Variants in PPP4R1 observed in about 807,000 individuals in gnomAD.
PPP4R1 encodes protein phosphatase 4 regulatory subunit 1.
A neutral mutation model predicts 111.2 loss-of-function variants in PPP4R1; 42 were observed. That is an observed-to-expected ratio of 0.38 (90% confidence interval 0.29 to 0.49). PPP4R1 has a LOEUF of 0.49. PPP4R1 is among the 20% of genes least tolerant of loss of function. The pLI, the probability that PPP4R1 is intolerant of heterozygous loss-of-function variation, is 0.97. For missense variants in PPP4R1, 1,012 were observed against 1,161.6 expected (o/e 0.87, Z 1.87); for synonymous variants, 409 against 405.5 (o/e 1.01, Z -0.10).
At chr18:9,589,791 C>T in intron 4 of PPP4R1, 1 of 152,208 alleles carries the variant, frequency 6.6e-6, no homozygotes, top group Non-Finnish European at 1.5e-5. Flanking sequence ...CCAGCTACTC[C>T]AGAGGCTGAG....
chr18:9,548,022 G>A (rs898099278), intron 19 of PPP4R1, 70 bp from the exon 20 acceptor site: 26 of 1,482,062 alleles, frequency 1.8e-5, no homozygotes, highest in Non-Finnish European at 2.2e-5. Flanking sequence ...CGTCAAGTAC[G>A]AGTGTAAACA....
At chr18:9,580,474 T>C (rs7239271) in intron 9 of PPP4R1, among the ~76,000 whole-genome samples, 28,016 of 151,716 alleles carry the variant, frequency 0.18, 2,930 homozygotes, top group East Asian at 0.49. Flanking sequence ...CTCAGCCTCC[T>C]GAGTAGCTGG....
intron 6 of PPP4R1, chr18:9,587,507 A>C (rs1418107594): frequency 1.3e-5 from 2 of 150,952 alleles, no homozygotes. Flanking sequence ...GGTTCAAATG[A>C]TTCTCGTGCC....
At position 9,570,657 on chromosome 18, in the gene PPP4R1, T is replaced by A. The variant is rs1479574882; in HGVS notation, c.1073A>T (p.Asp358Val). The change falls in exon 11 of 20, where the codon GAT (aspartate) becomes GTT (valine). Residue 358 changes from aspartate (D) to valine (V), a missense_variant. Transcript: ENST00000400556. Reference protein sequence around the residue: ...NRTRDQEAPEDVQVRPEDTPS... With the variant: ...NRTRDQEAPEVVQVRPEDTPS... The stretch of plus-strand genomic sequence containing the variant: ...AGTATCCTCTGGCCTGACTTGTACA[T>A]CCTCTGGGGCTTCTTGATCTCTGGT... 6.3e-7 allele frequency: 1 copy of A among 1,581,676 alleles called. No individual in the cohort carries two copies. Among genetic ancestry groups the A allele is most frequent in the Non-Finnish European group, 8.6e-7 (1 of 1,163,650 alleles).
chr18:9,614,662 C>G, upstream of PPP4R1: 2 of 149,460 alleles, frequency 1.3e-5, no homozygotes, highest in African/African-American at 2.5e-5. This position sits in a 1 kb window ranked among gnomAD's most constrained non-coding sequence, Gnocchi z 4.1. Context: ...CGGCGCGGCT[C>G]CCGGCCGCCC....
intron 13 of PPP4R1, among the ~76,000 whole-genome samples, chr18:9,561,164 A>T (rs2066668175): frequency 6.6e-6 from 1 of 150,886 alleles, no homozygotes; most frequent in Non-Finnish European, 1.5e-5. Flanking sequence ...GGCTGCAGTA[A>T]GCTGAGATGG....
At chr18:9,587,965 C>T in intron 6 of PPP4R1, 124 bp downstream of exon 6, 5 of 1,231,824 alleles carry the variant, frequency 4.1e-6, no homozygotes, top group Non-Finnish European at 5.6e-6. Flanking sequence ...GATCCACCCA[C>T]CTCGGCCTCC....
chr18:9,593,775 A>G lies in PPP4R1; in HGVS notation c.288T>C (p.Asp96=), dbSNP rs1486114252. 1 of 1,613,030 alleles carries G rather than the reference A, an allele frequency of 6.2e-7. No homozygotes were observed. The highest frequency in any genetic ancestry group is 2.2e-5 in the East Asian group (1 of 44,874). Residue 96 remains aspartate (D), a synonymous_variant, in exon 4 of 20, where the codon GAT becomes GAC. Transcript: ENST00000400556. ...CACTTTCTCCACATATACCTGAATC[A>G]TCGGCCAATCTGCTAATTCTTTCCA... The part of the protein sequence containing the change: ...AVLERISRLA[D]DSEPTVRAEL...
intron 11 of PPP4R1, among the ~76,000 whole-genome samples, chr18:9,568,811 G>A (rs2066812384): frequency 6.6e-6 from 1 of 152,160 alleles, no homozygotes; most frequent in Non-Finnish European, 1.5e-5. Flanking sequence ...CAAGGCAGGC[G>A]GATCACCTGA....
At chr18:9,584,436 G>GA in intron 8 of PPP4R1, 79 bp downstream of exon 8, 5 of 1,245,560 alleles carry the variant, frequency 4.0e-6, no homozygotes, top group South Asian at 3.6e-5. Context: ...TAAAACTTTG[G>GA]AGTAAATGTG....
chr18:9,568,720 G>T (rs539380039), intron 11 of PPP4R1, among the ~76,000 whole-genome samples: 205 of 152,264 alleles, frequency 1.3e-3, no homozygotes, highest in African/African-American at 4.8e-3. Flanking sequence ...GTAATCTTTT[G>T]TTCATAAAAA....
chr18:9,549,894 G>T, intron 18 of PPP4R1, 158 bp downstream of exon 18: 2 of 1,112,378 alleles, frequency 1.8e-6, no homozygotes, highest in Non-Finnish European at 2.5e-6. Context: ...GCCACCAGAT[G>T]CCCAACAATG....
In PPP4R1 at chr18:9,549,155, C is replaced by T. The variant is rs751373480; in HGVS notation, c.2689+42G>A. The stretch of plus-strand genomic sequence containing the variant: ...TGATCCAGTGCAGTCCACAGACCTC[C>T]TTCTCTACTCACACGCTTCTTCTAG... On this transcript the variant is annotated intron_variant, in intron 19 of 19. Transcript: ENST00000400556. 3.8e-6 allele frequency: 6 copies of T among 1,593,922 alleles called. No individual in the cohort carries two copies. In the East Asian group the frequency reaches 1.4e-4, roughly 36 times the overall value.
chr18:9,604,124 T>C (rs2067439037), intron 2 of PPP4R1, among the ~76,000 whole-genome samples: 2 of 152,220 alleles, frequency 1.3e-5, no homozygotes, highest in South Asian at 4.1e-4. Context: ...TTTGCAAATA[T>C]GGAAATTTTA....
At chr18:9,563,074 T>C in intron 12 of PPP4R1, 1 of 1,058,658 alleles carries the variant, frequency 9.4e-7, no homozygotes, top group South Asian at 3.9e-5. Context: ...AAGAGTTAAT[T>C]ATTCTTGATA....
chr18:9,565,453 T>TG (rs1191051454), intron 11 of PPP4R1, among the ~76,000 whole-genome samples: 1 of 152,162 alleles, frequency 6.6e-6, no homozygotes, highest in African/African-American at 2.4e-5. Flanking sequence ...TTAAGCTTAG[T>TG]GGGGAAGGCA....
chr18:9,553,180 C>T (rs190531127), intron 16 of PPP4R1, 142 bp downstream of exon 16: 19 of 623,040 alleles, frequency 3.0e-5, no homozygotes, highest in African/African-American at 2.8e-4. Flanking sequence ...CAGTAAGACA[C>T]ATATTACAGG....
Position 9,547,390 on chromosome 18 carries a change from C to T in PPP4R1, c.*399G>A. ...TCTTTCACATCTGGGCACACGTCTG[C>T]CTTCAGGCTGTAAGAATTTCATTTG... On this transcript the variant is annotated 3_prime_UTR_variant, in exon 20 of 20. Coordinates refer to ENST00000400556, the MANE Select transcript of PPP4R1 (RefSeq NM_001042388.3). 1 of 182,122 alleles carries T rather than the reference C, an allele frequency of 5.5e-6. No individual in the cohort carries two copies. Among genetic ancestry groups the T allele is most frequent in the Non-Finnish European group, 1.2e-5 (1 of 84,644 alleles). 11.3% of individuals were successfully genotyped at this position (182,122 alleles called of 1,614,324 possible). A position where few individuals can be genotyped will look rare whatever the true frequency, so the allele number is the denominator to read the frequency against.
intron 15 of PPP4R1, among the ~76,000 whole-genome samples, chr18:9,555,823 A>G (rs1276018712): frequency 6.6e-6 from 1 of 152,166 alleles, no homozygotes; most frequent in Non-Finnish European, 1.5e-5. Context: ...AAAACTATAA[A>G]GGACAATACT....
Sources: gnomAD v4.1 joint callset for allele counts (sites outside exome capture counted in the v4.1 genomes callset) on GRCh38, gnomAD v4.1.1 for gene constraint, Gnocchi (gnomAD v3.1) non-coding constraint, MANE v1.5 for transcripts, NCBI Gene and HGNC (gene_info 2026-07-23, HGNC 2026-07-21) for gene names.